CAMTA1: variants seen among roughly 807,000 people sequenced by gnomAD.
CAMTA1 encodes the protein calmodulin-binding transcription activator 1.
CAMTA1 carries 27 observed loss-of-function variants against 170.9 expected under a neutral mutation model. The ratio of observed to expected loss-of-function variants is 0.16; its 90% CI spans 0.12 to 0.22. The LOEUF is 0.22. Ranked by LOEUF, CAMTA1 falls within the 10% of genes least tolerant of loss-of-function variation. The pLI is 1.00. For missense variants in CAMTA1, 1,619 were observed against 2,217.2 expected, an observed-to-expected ratio of 0.73 and a Z score of 5.42; for synonymous variants, 833 against 891.5, an observed-to-expected ratio of 0.93 and a Z score of 1.17.
intron 5 of CAMTA1, among the ~76,000 whole-genome samples, chr1:7,261,890 C>G (rs547695749): frequency 6.6e-6 from 1 of 152,344 alleles, no homozygotes; most frequent in South Asian, 2.1e-4. Flanking sequence ...AGGTTAAATA[C>G]TGTAATCTTT....
chr1:7,640,975 C>A (rs1006233946), intron 7 of CAMTA1, among the ~76,000 whole-genome samples: 1 of 152,202 alleles, frequency 6.6e-6, no homozygotes, highest in Non-Finnish European at 1.5e-5. Flanking sequence ...GCTTAGCCAC[C>A]ACCTCCTGGA....
chr1:7,493,597 CCTTT>C (rs1484378903), intron 6 of CAMTA1, among the ~76,000 whole-genome samples: 1 of 151,716 alleles, frequency 6.6e-6, no homozygotes. Flanking sequence ...CCTTCTCTGA[CCTTT>C]CTTTTATTCC....
chr1:7,140,717 A>T (rs1028342482), intron 4 of CAMTA1, among the ~76,000 whole-genome samples: 1 of 152,216 alleles, frequency 6.6e-6, no homozygotes, highest in African/African-American at 2.4e-5. Context: ...GCATGCTTGC[A>T]ATGCACACTG....
At chr1:7,031,917 T>C (rs1702873091) in intron 3 of CAMTA1, among the ~76,000 whole-genome samples, 1 of 152,188 alleles carries the variant, frequency 6.6e-6, no homozygotes, top group Non-Finnish European at 1.5e-5. Context: ...TTTCTATTTG[T>C]TTTCTGTTTC....
rs2094967155 is a variant in CAMTA1, at chr1:7,562,267, G to A, written c.511-78133G>A. ...ATGTGTGTTAGACAACTGTCACTCA[G>A]CATATTTGATGGTGTTTTGCCTTGG... On this transcript the variant is annotated intron_variant, in intron 6 of 22. Coordinates refer to ENST00000303635, the MANE Select transcript of CAMTA1 (RefSeq NM_015215.4). This position sits in a 1 kb window ranked among gnomAD's most constrained non-coding sequence, Gnocchi z 4.8. 6.6e-6 allele frequency among the ~76,000 whole-genome samples: 1 copy of A among 152,204 alleles called. No homozygotes were observed. The highest frequency in any genetic ancestry group is 2.4e-5 in the African/African-American group (1 of 41,454).
intron 5 of CAMTA1, among the ~76,000 whole-genome samples, chr1:7,316,101 C>T (rs1677463471): frequency 6.6e-6 from 1 of 152,164 alleles, no homozygotes; most frequent in Non-Finnish European, 1.5e-5. Context: ...CTCATGAGAA[C>T]TCACTCACTA....
chr1:7,208,455 A>G (rs1435616543), intron 4 of CAMTA1, among the ~76,000 whole-genome samples: 1 of 152,140 alleles, frequency 6.6e-6, no homozygotes, highest in Non-Finnish European at 1.5e-5. Context: ...TTTTGCCAGA[A>G]TTTTACCTGT....
chr1:7,226,911 C>T (rs548457989), intron 4 of CAMTA1, among the ~76,000 whole-genome samples: 1 of 152,246 alleles, frequency 6.6e-6, no homozygotes, highest in African/African-American at 2.4e-5. Context: ...CGGCTCACTG[C>T]AAGCTCCGCC....
chr1:6,922,052 A>C (rs992249389), intron 3 of CAMTA1, among the ~76,000 whole-genome samples: 6 of 152,244 alleles, frequency 3.9e-5, no homozygotes, highest in Admixed American at 3.9e-4. Context: ...TGACACCAAC[A>C]ATATAAGAAG....
intron 4 of CAMTA1, among the ~76,000 whole-genome samples, chr1:7,152,898 A>G (rs553397987): frequency 6.6e-6 from 1 of 152,334 alleles, no homozygotes; most frequent in East Asian, 1.9e-4. Context: ...CGATTTTGAC[A>G]TTTTGATAAG....
chr1:6,790,120 C>T (rs1452036690), intron 1 of CAMTA1, among the ~76,000 whole-genome samples: 2 of 152,100 alleles, frequency 1.3e-5, no homozygotes, highest in African/African-American at 2.4e-5. Flanking sequence ...CAAGCTGCCA[C>T]GCCTGGCCTT....
intron 3 of CAMTA1, among the ~76,000 whole-genome samples, chr1:6,863,939 T>C (rs1665688124): frequency 6.6e-6 from 1 of 152,252 alleles, no homozygotes; most frequent in African/African-American, 2.4e-5. Context: ...TTGTTTTTGT[T>C]GACCTTGACA....
intron 16 of CAMTA1, among the ~76,000 whole-genome samples, chr1:7,743,917 C>T (rs2096837094): frequency 6.6e-6 from 1 of 150,874 alleles, no homozygotes; most frequent in African/African-American, 2.4e-5. Flanking sequence ...AGCTCCACCT[C>T]CCAGGTTCAT....
At chr1:7,381,424 A>G (rs1273035812) in intron 5 of CAMTA1, among the ~76,000 whole-genome samples, 17 of 150,628 alleles carry the variant, frequency 1.1e-4, no homozygotes, top group Admixed American at 4.0e-4. Flanking sequence ...TTGTTCTTGC[A>G]ATAGTTTACT....
chr1:7,429,523 GTGATGGTGA>G (rs1403175964), intron 5 of CAMTA1, among the ~76,000 whole-genome samples: 4 of 151,638 alleles, frequency 2.6e-5, no homozygotes, highest in Admixed American at 6.6e-5. Flanking sequence ...GGTACTGAAG[GTGATGGTGA>G]TGATGGTGAT....
intron 5 of CAMTA1, among the ~76,000 whole-genome samples, chr1:7,391,293 G>A (rs1486335390): frequency 6.6e-6 from 1 of 151,460 alleles, no homozygotes; most frequent in Non-Finnish European, 1.5e-5. Context: ...TACCACACCC[G>A]GCTGTATCTG....
rs114576296 is a variant in CAMTA1, at chr1:7,565,513, G to A, written c.511-74887G>A. 3.8e-3 allele frequency among the ~76,000 whole-genome samples: 584 copies of A among 152,284 alleles called. 3 individuals carry two copies. The highest frequency in any genetic ancestry group is 0.02 in the Middle Eastern group (6 of 294). On this transcript the variant is annotated intron_variant, in intron 6 of 22. Coordinates refer to ENST00000303635, the MANE Select transcript of CAMTA1 (RefSeq NM_015215.4). This position sits in a 1 kb window ranked among gnomAD's most constrained non-coding sequence, Gnocchi z 4.5. ...GTCCACATCAGGGGCTGGGCTTTCC[G>A]CAGAGAGCCTGGCTCTAGGCTGTCC...
chr1:7,621,648 G>A (rs896643485), intron 6 of CAMTA1, among the ~76,000 whole-genome samples: 1 of 152,208 alleles, frequency 6.6e-6, no homozygotes, highest in Non-Finnish European at 1.5e-5. Context: ...GTGTCATTGG[G>A]AGTGTACTTA....
chr1:7,177,941 C>T (rs1380728492), intron 4 of CAMTA1, among the ~76,000 whole-genome samples: 4 of 151,832 alleles, frequency 2.6e-5, no homozygotes, highest in Non-Finnish European at 5.9e-5. Flanking sequence ...GGCTCCTCTC[C>T]ACACACGGAG....
Sources: allele counts gnomAD v4.1 joint callset (sites outside exome capture counted in the v4.1 genomes callset), GRCh38; gene constraint gnomAD v4.1.1; non-coding constraint Gnocchi (gnomAD v3.1); transcripts MANE v1.5; gene names NCBI Gene and HGNC (gene_info 2026-07-23, HGNC 2026-07-21).